TTC29: variants seen among roughly 807,000 people sequenced by gnomAD.
TTC29 encodes tetratricopeptide repeat domain 29.
A neutral mutation model predicts 58.1 loss-of-function variants in TTC29; 49 were observed. The ratio of observed to expected loss-of-function variants is 0.84; its 90% confidence interval spans 0.67 to 1.07. The LOEUF (loss-of-function observed/expected upper bound fraction) is 1.07, where lower values mean the gene tolerates loss of function less well. Ranked by LOEUF, TTC29 falls within the 50% of genes least tolerant of loss-of-function variation. TTC29 has a pLI of 0.00. For synonymous variants in TTC29, 209 were observed against 196.8 expected, an observed-to-expected ratio of 1.06 and a Z score of -0.52; for missense variants, 582 against 555.6, an observed-to-expected ratio of 1.05 and a Z score of -0.48.
intron 11 of TTC29, among the ~76,000 whole-genome samples, chr4:146,768,157 T>C (rs1158658729): frequency 1.3e-5 from 2 of 151,916 alleles, no homozygotes; most frequent in African/African-American, 4.8e-5. Flanking sequence ...GTAAAGAAAA[T>C]TGAGTATTAA....
At chr4:146,813,116 G>A (rs934296186) in intron 10 of TTC29, 6 of 152,154 alleles carry the variant, frequency 3.9e-5, no homozygotes, top group Non-Finnish European at 7.4e-5. Flanking sequence ...GAATTTTCAT[G>A]CATTATTTTG....
At chr4:146,793,691 G>T (rs1363839145) in intron 11 of TTC29, among the ~76,000 whole-genome samples, 2 of 152,018 alleles carry the variant, frequency 1.3e-5, no homozygotes, top group African/African-American at 4.8e-5. Flanking sequence ...GAGTCTAGGA[G>T]AGGCCCTGAA....
In TTC29 at chr4:146,881,945, G is replaced by A. The variant is rs187752638; in HGVS notation, c.587-7017C>T. On this transcript the variant is annotated intron_variant, in intron 6 of 12. Transcript: ENST00000325106. ...AAATATAAGATGCTAGTTTAAAAAC[G>A]GAATCCTCTCTTTGTCATTTGGAGT... 1.5e-3 allele frequency among the ~76,000 whole-genome samples: 222 copies of A among 152,114 alleles called. 1 individual carries two copies. The highest frequency in any genetic ancestry group is 9.7e-3 in the East Asian group (50 of 5,172).
chr4:146,779,057 A>G (rs1310887960), intron 11 of TTC29, among the ~76,000 whole-genome samples: 1 of 150,612 alleles, frequency 6.6e-6, no homozygotes, highest in African/African-American at 2.4e-5. Flanking sequence ...AGACAACAAC[A>G]GCTTTGAACA....
rs1470913653 is a variant in TTC29, at chr4:146,905,369, T to C, written c.401-1640A>G. Among the ~76,000 whole-genome samples the C allele has an allele frequency of 2.0e-5, 3 of 150,076 alleles. No homozygotes were observed. The East Asian group carries it at 5.8e-4, about 29-fold the overall frequency. ...AAAAATATATGTAGTCCCGAAACAA[T>C]TTTTTTATATTTTAGTAATTAAACC... On this transcript the variant is annotated intron_variant, in intron 5 of 12. Transcript: ENST00000325106.
At chr4:146,871,327 G>A (rs1362092405) in intron 7 of TTC29, among the ~76,000 whole-genome samples, 1 of 151,748 alleles carries the variant, frequency 6.6e-6, no homozygotes, top group Non-Finnish European at 1.5e-5. Flanking sequence ...GAATAGAAGG[G>A]AATTTTTTCA....
chr4:146,791,171 T>TGC (rs1749420496), intron 11 of TTC29, among the ~76,000 whole-genome samples: 1 of 152,222 alleles, frequency 6.6e-6, no homozygotes, highest in African/African-American at 2.4e-5. Flanking sequence ...TTAATTTTGT[T>TGC]ACAAACATGC....
chr4:146,821,307 T>C (rs1751806091), intron 9 of TTC29, among the ~76,000 whole-genome samples: 1 of 152,186 alleles, frequency 6.6e-6, no homozygotes, highest in Non-Finnish European at 1.5e-5. Flanking sequence ...ATGAGTACAC[T>C]AAAAACCACT....
intron 4 of TTC29, among the ~76,000 whole-genome samples, chr4:146,932,610 T>A (rs554621617): frequency 6.6e-6 from 1 of 152,098 alleles, no homozygotes; most frequent in African/African-American, 2.4e-5. Flanking sequence ...AAAAGTATAT[T>A]TGTAGTTCAT....
At chr4:146,856,096 A>T (rs1287590136) in intron 8 of TTC29, among the ~76,000 whole-genome samples, 1 of 152,210 alleles carries the variant, frequency 6.6e-6, no homozygotes, top group Non-Finnish European at 1.5e-5. Flanking sequence ...ATTATGTTCC[A>T]TATGTCACTA....
At chr4:146,872,256 AGAT>A (rs964259846) in intron 7 of TTC29, among the ~76,000 whole-genome samples, 8 of 152,040 alleles carry the variant, frequency 5.3e-5, no homozygotes, top group African/African-American at 9.7e-5. Flanking sequence ...ACATGAAAAT[AGAT>A]GATAAGATTA....
chr4:146,903,585 G>C lies in TTC29; in HGVS notation c.545C>G (p.Ala182Gly), dbSNP rs750751994. The C allele has an allele frequency of 3.7e-6, 6 of 1,611,962 alleles. No homozygotes were observed. Among genetic ancestry groups the C allele is most frequent in the Non-Finnish European group, 5.1e-6 (6 of 1,178,994 alleles). The change falls in exon 6 of 13, where the codon GCC becomes GGC. Residue 182 changes from alanine to glycine, a missense_variant. Physicochemically the swap from Ala to Gly is moderately conservative, Grantham distance 60 (BLOSUM62 0). Coordinates refer to ENST00000325106, the MANE Select transcript of TTC29 (RefSeq NM_031956.4). ...AAGACCCATATGCATGTGTGCCTCG[G>C]CTTCTTTCTTCCCACAGTCAATTTT... Reference protein sequence around the residue: ...LIKIDCGKKEAEAHMHMGLLY... With the variant: ...LIKIDCGKKEGEAHMHMGLLY...
At chr4:146,818,624 C>T (rs1751596160) in intron 10 of TTC29, among the ~76,000 whole-genome samples, 1 of 152,144 alleles carries the variant, frequency 6.6e-6, no homozygotes, top group Non-Finnish European at 1.5e-5. Context: ...GCTGTAAAGA[C>T]ACATGCACTC....
chr4:146,819,351 C>T (rs560215691), intron 10 of TTC29, among the ~76,000 whole-genome samples: 128 of 151,934 alleles, frequency 8.4e-4, no homozygotes, highest in African/African-American at 3.0e-3. Context: ...ACTACATACA[C>T]AGACTCTGAA....
chr4:146,841,627 C>G (rs1388031124), intron 8 of TTC29, among the ~76,000 whole-genome samples: 3 of 151,896 alleles, frequency 2.0e-5, no homozygotes, highest in African/African-American at 7.3e-5. Flanking sequence ...CCACCCTTCC[C>G]ATTGTTCTTT....
chr4:146,713,775 G>C (rs1024758330), intron 11 of TTC29, among the ~76,000 whole-genome samples: 1 of 151,872 alleles, frequency 6.6e-6, no homozygotes, highest in African/African-American at 2.4e-5. Context: ...CCATTATTCT[G>C]AATAAATGGA....
At chr4:146,930,104 T>TATACAC (rs1553942386) in intron 4 of TTC29, among the ~76,000 whole-genome samples, 2 of 129,780 alleles carry the variant, frequency 1.5e-5, no homozygotes, top group African/African-American at 6.3e-5. Flanking sequence ...TATATATATA[T>TATACAC]ATATATATAT....
intron 6 of TTC29, among the ~76,000 whole-genome samples, chr4:146,897,190 A>G (rs1732824152): frequency 6.6e-6 from 1 of 152,140 alleles, no homozygotes; most frequent in Non-Finnish European, 1.5e-5. Flanking sequence ...GGTGGTCATA[A>G]TATAACCAAA....
At chr4:146,708,607 T>C (rs1303125476) in intron 11 of TTC29, among the ~76,000 whole-genome samples, 1 of 151,456 alleles carries the variant, frequency 6.6e-6, no homozygotes, top group Non-Finnish European at 1.5e-5. Flanking sequence ...TTGATTTCAA[T>C]TAACTGGGAT....
Sources: gnomAD v4.1 joint callset for allele counts (sites outside exome capture counted in the v4.1 genomes callset) on GRCh38, gnomAD v4.1.1 for gene constraint, MANE v1.5 for transcripts, NCBI Gene and HGNC (gene_info 2026-07-23, HGNC 2026-07-21) for gene names.